The following PRKG1 variants were observed in gnomAD, a reference collection of about 807,000 sequenced individuals.
PRKG1 encodes cGMP-dependent protein kinase 1.
PRKG1 carries 35 observed loss-of-function variants against 88.1 expected under a neutral mutation model. That is an observed-to-expected ratio of 0.40 (90% CI 0.30 to 0.53). PRKG1 has a LOEUF of 0.53. Among genes scored for constraint, PRKG1 ranks in the 20% least tolerant of loss-of-function variants. PRKG1 has a pLI of 0.59. For missense variants in PRKG1, 540 were observed against 839.8 expected (o/e 0.64, Z 4.41); for synonymous variants, 303 against 292.5 (o/e 1.04, Z -0.37).
In PRKG1 at chr10:51,069,467, T is replaced by C. The variant is rs142142437; in HGVS notation, c.266+77823T>C. On this transcript the variant is annotated intron_variant, in intron 1 of 17. Transcript: ENST00000401604. ...CAGGGAATCAATGTAAGTTCCAGTTTCTGTAAAAACAATAAAGCAAAAAGG... is the reference window on the plus strand; with the variant it reads ...CAGGGAATCAATGTAAGTTCCAGTTCCTGTAAAAACAATAAAGCAAAAAGG... Among the ~76,000 whole-genome samples, 789 of 152,148 alleles carry C rather than the reference T, an allele frequency of 5.2e-3. 11 individuals carry two copies. Among genetic ancestry groups the C allele is most frequent in the African/African-American group, 0.018 (736 of 41,548 alleles).
intron 1 of PRKG1, among the ~76,000 whole-genome samples, chr10:51,117,455 T>C (rs1845155244): frequency 6.6e-6 from 1 of 152,242 alleles, no homozygotes; most frequent in South Asian, 2.1e-4. Context: ...TAATGAGTAA[T>C]AATCACATAT....
intron 8 of PRKG1, among the ~76,000 whole-genome samples, chr10:52,152,224 C>T (rs1293450075): frequency 6.6e-6 from 1 of 152,172 alleles, no homozygotes; most frequent in East Asian, 1.9e-4. Context: ...AGTGGTTGAG[C>T]GAGTCCATCC....
chr10:52,195,675 A>G (rs1274154730), intron 9 of PRKG1, among the ~76,000 whole-genome samples: 1 of 152,212 alleles, frequency 6.6e-6, no homozygotes, highest in South Asian at 2.1e-4. Flanking sequence ...GTGATCACTT[A>G]TAAGTAATAC....
intron 1 of PRKG1, among the ~76,000 whole-genome samples, chr10:51,146,850 T>A (rs894242096): frequency 6.6e-6 from 1 of 152,196 alleles, no homozygotes; most frequent in Admixed American, 6.5e-5. Flanking sequence ...TACTCCCATA[T>A]TTATTGCAGC....
At chr10:51,145,646 A>T (rs1845926958) in intron 1 of PRKG1, among the ~76,000 whole-genome samples, 1 of 152,190 alleles carries the variant, frequency 6.6e-6, no homozygotes, top group Non-Finnish European at 1.5e-5. Flanking sequence ...GAATGACTTG[A>T]ATAGTTGAAT....
chr10:51,709,238 A>G (rs1036557762), intron 3 of PRKG1, among the ~76,000 whole-genome samples: 48 of 152,234 alleles, frequency 3.2e-4, no homozygotes, highest in African/African-American at 9.4e-4. Flanking sequence ...TTCCCACCAT[A>G]TATAATGCGT....
chr10:51,551,389 C>A (rs1036959425), intron 3 of PRKG1, among the ~76,000 whole-genome samples: 2 of 151,670 alleles, frequency 1.3e-5, no homozygotes, highest in African/African-American at 4.8e-5. Flanking sequence ...TAATGATTAT[C>A]CTGAAATGGC....
At chr10:52,066,164 C>T (rs994296714) in intron 7 of PRKG1, among the ~76,000 whole-genome samples, 13 of 152,174 alleles carry the variant, frequency 8.5e-5, no homozygotes, top group African/African-American at 3.1e-4. Context: ...TTTTTTTCTT[C>T]ATTTGACTTC....
In PRKG1 at chr10:51,920,585, A is replaced by G. The variant is rs373375394; in HGVS notation, c.762+13015A>G. Among the ~76,000 whole-genome samples the G allele has an allele frequency of 6.6e-5, 10 of 152,120 alleles. No individual in the cohort carries two copies. In the East Asian group the frequency reaches 1.3e-3, roughly 21 times the overall value. The stretch of plus-strand genomic sequence containing the variant: ...TGTATGCATATATGTGTGTGTTTAT[A>G]TATCTATCTTTATATCGCCATATAA... On this transcript the variant is annotated intron_variant, in intron 5 of 17. Coordinates refer to ENST00000373980, the MANE Select transcript of PRKG1 (RefSeq NM_006258.4).
intron 3 of PRKG1, among the ~76,000 whole-genome samples, chr10:51,473,859 C>A (rs569497927): frequency 6.6e-6 from 1 of 151,610 alleles, no homozygotes; most frequent in Non-Finnish European, 1.5e-5. Flanking sequence ...AAGCTTGAGT[C>A]AGTTTTTGGT....
intron 3 of PRKG1, among the ~76,000 whole-genome samples, chr10:51,514,532 A>C (rs952138723): frequency 2.6e-5 from 4 of 152,230 alleles, no homozygotes; most frequent in Non-Finnish European, 4.4e-5. Context: ...CCAAACTTAA[A>C]GGCAAAGCAT....
chr10:51,973,332 A>G (rs533518719), intron 5 of PRKG1, among the ~76,000 whole-genome samples: 1 of 152,150 alleles, frequency 6.6e-6, no homozygotes, highest in East Asian at 1.9e-4. Flanking sequence ...GATCATACTC[A>G]TTTTCTACTC....
At chr10:51,729,670 G>T (rs1842224259) in intron 3 of PRKG1, among the ~76,000 whole-genome samples, 1 of 115,286 alleles carries the variant, frequency 8.7e-6, no homozygotes, top group Admixed American at 1.2e-4. Context: ...TCATGCAACT[G>T]CACTCCAGCC....
At chr10:51,733,019 A>G (rs1837160146) in intron 3 of PRKG1, among the ~76,000 whole-genome samples, 1 of 152,000 alleles carries the variant, frequency 6.6e-6, no homozygotes, top group African/African-American at 2.4e-5. Flanking sequence ...CTCAAATGGT[A>G]GAGGAGAGAG....
At chr10:51,494,916 C>A (rs897225544) in intron 3 of PRKG1, among the ~76,000 whole-genome samples, 2 of 152,180 alleles carry the variant, frequency 1.3e-5, no homozygotes, top group Non-Finnish European at 2.9e-5. Context: ...TGCTATTATT[C>A]TTGAAAAATC....
chr10:51,770,836 C>T, intron 3 of PRKG1, among the ~76,000 whole-genome samples: 1 of 152,068 alleles, frequency 6.6e-6, no homozygotes, highest in East Asian at 1.9e-4. Flanking sequence ...CTATAAGAGA[C>T]AGTTATTCAA....
intron 3 of PRKG1, among the ~76,000 whole-genome samples, chr10:51,547,668 A>G (rs528348014): frequency 6.6e-6 from 1 of 152,134 alleles, no homozygotes; most frequent in Non-Finnish European, 1.5e-5. Flanking sequence ...TAAAAAAATC[A>G]ATCTCAAAAG....
At chr10:52,279,343 A>T (rs1403766038) in intron 12 of PRKG1, among the ~76,000 whole-genome samples, 2 of 152,160 alleles carry the variant, frequency 1.3e-5, no homozygotes. Context: ...TTCCATTCAG[A>T]TATTATTCAA....
At chr10:51,257,193 G>T (rs1839586453) in intron 2 of PRKG1, among the ~76,000 whole-genome samples, 2 of 148,194 alleles carry the variant, frequency 1.3e-5, no homozygotes, top group Non-Finnish European at 3.0e-5. Context: ...GAGAGAAGAT[G>T]ATTAGTTTTG....
Sources: allele counts gnomAD v4.1 joint callset (sites outside exome capture counted in the v4.1 genomes callset), GRCh38; gene constraint gnomAD v4.1.1; transcripts MANE v1.5; gene names NCBI Gene and HGNC (gene_info 2026-07-23, HGNC 2026-07-21).